Variants in GALNT14 observed in about 807,000 individuals in gnomAD.
The protein encoded by GALNT14 is UDP-GalNAc:polypeptide N-acetylgalactosaminyltransferase 14.
GALNT14 carries 60 observed loss-of-function variants against 77.5 expected under a neutral mutation model. That is an observed-to-expected ratio of 0.77 (90% confidence interval 0.63 to 0.96). The LOEUF (loss-of-function observed/expected upper bound fraction) is 0.96, where lower values mean the gene tolerates loss of function less well. Ranked by LOEUF, GALNT14 falls within the 40% of genes least tolerant of loss-of-function variation. GALNT14 has a pLI of 0.00. For synonymous variants in GALNT14, 280 were observed against 281.7 expected (o/e 0.99, Z 0.06); for missense variants, 710 against 731.0 (o/e 0.97, Z 0.33).
At chr2:31,058,118 G>A (rs1023405357) in intron 1 of GALNT14, among the ~76,000 whole-genome samples, 1 of 152,170 alleles carries the variant, frequency 6.6e-6, no homozygotes, top group Non-Finnish European at 1.5e-5. Flanking sequence ...TGCCAAGAGA[G>A]CTTTCAAAAA....
At chr2:31,095,906 G>A (rs1041810983) in intron 1 of GALNT14, among the ~76,000 whole-genome samples, 7 of 152,066 alleles carry the variant, frequency 4.6e-5, no homozygotes, top group African/African-American at 1.4e-4. Context: ...TTATTATCCT[G>A]CCTAGATTAG....
chr2:30,903,882 T>C, the GALNT14 span, among the ~76,000 whole-genome samples: 620 of 152,326 alleles, frequency 4.1e-3, 10 homozygotes, highest in South Asian at 0.031. Flanking sequence ...TTCATATGGA[T>C]TGGTTCTTCT....
At chr2:30,887,750 G>A in the GALNT14 span, among the ~76,000 whole-genome samples, 1 of 152,126 alleles carries the variant, frequency 6.6e-6, no homozygotes, top group Non-Finnish European at 1.5e-5. Context: ...TGTTGCTCAT[G>A]CTTTTGATGT....
intron 1 of GALNT14, among the ~76,000 whole-genome samples, chr2:31,067,972 G>T (rs375907305): frequency 2.6e-5 from 4 of 152,100 alleles, no homozygotes. Context: ...CTCTTCCTTC[G>T]TGTGGGCCTT....
Position 31,055,373 on chromosome 2 carries a change from G to C in GALNT14, c.130-62366C>G, listed in dbSNP as rs559978814. On this transcript the variant is annotated intron_variant, in intron 1 of 14. Coordinates refer to ENST00000349752, the MANE Select transcript of GALNT14 (RefSeq NM_024572.4). The stretch of plus-strand genomic sequence containing the variant: ...CTGACCTTTGAATAGCACTTTAAAC[G>C]CTTCAATTAAAGGCACTATATAAAA... Among the ~76,000 whole-genome samples the C allele has an allele frequency of 2.6e-5, 4 of 152,286 alleles. No individual in the cohort carries two copies. The South Asian group carries it at 6.2e-4, about 24-fold the overall frequency.
chr2:31,050,266 C>T (rs1673755869), intron 1 of GALNT14, among the ~76,000 whole-genome samples: 1 of 152,170 alleles, frequency 6.6e-6, no homozygotes, highest in Non-Finnish European at 1.5e-5. Context: ...CTGTTTCCTG[C>T]AGAGTAAACA....
At chr2:30,965,685 G>T (rs62141361) in intron 3 of GALNT14, among the ~76,000 whole-genome samples, 24,266 of 152,128 alleles carry the variant, frequency 0.16, 2,055 homozygotes, top group East Asian at 0.32. Context: ...AAGCCCAGGG[G>T]AACGGGGATG....
At chr2:30,988,577 G>C (rs964554564) in intron 2 of GALNT14, among the ~76,000 whole-genome samples, 1 of 99,296 alleles carries the variant, frequency 1.0e-5, no homozygotes, top group Non-Finnish European at 2.2e-5. Flanking sequence ...TGTAGTGTGT[G>C]GGGGAGGTGG....
At chr2:31,131,579 G>T (rs1211154277) in intron 1 of GALNT14, among the ~76,000 whole-genome samples, 1 of 152,128 alleles carries the variant, frequency 6.6e-6, no homozygotes, top group Non-Finnish European at 1.5e-5. Context: ...TGAAACAAGG[G>T]CTCAAGCAAT....
In GALNT14 at chr2:30,963,150, C is replaced by T. The variant is rs17010518; in HGVS notation, c.398+3054G>A. Reference sequence around the variant, plus strand: ...AGGAAACAGGCTCTCTCAGCTAAGTCGTCTGGCACGTCATGGGTGTCTTCT... The same window carrying T: ...AGGAAACAGGCTCTCTCAGCTAAGTTGTCTGGCACGTCATGGGTGTCTTCT... On this transcript the variant is annotated intron_variant, in intron 3 of 14. Coordinates refer to ENST00000349752, the MANE Select transcript of GALNT14 (RefSeq NM_024572.4). 5.1e-3 allele frequency among the ~76,000 whole-genome samples: 783 copies of T among 152,258 alleles called. 6 individuals carry two copies. The highest frequency in any genetic ancestry group is 0.018 in the African/African-American group (750 of 41,548).
At chr2:30,950,699 T>A (rs771705246) in intron 6 of GALNT14, among the ~76,000 whole-genome samples, 34 of 152,172 alleles carry the variant, frequency 2.2e-4, no homozygotes, top group Non-Finnish European at 4.6e-4. Context: ...CCTGGGTTTG[T>A]CTCTTTGCTA....
intron 2 of GALNT14, among the ~76,000 whole-genome samples, chr2:30,977,438 A>G (rs1157003786): frequency 1.3e-5 from 2 of 152,148 alleles, no homozygotes; most frequent in African/African-American, 4.8e-5. Context: ...AAGATTCTGG[A>G]AAGATGGAAA....
Position 30,939,760 on chromosome 2 carries a change from G to T in GALNT14, c.931+2441C>A, listed in dbSNP as rs149820464. ...GACTTGGTGACTTGGTGGGTAGGAG[G>T]CCCTTCCTGCCACACTCTGGAGCCA... On this transcript the variant is annotated intron_variant, in intron 9 of 14. Coordinates refer to ENST00000349752, the MANE Select transcript of GALNT14 (RefSeq NM_024572.4). 7.9e-5 allele frequency among the ~76,000 whole-genome samples: 12 copies of T among 152,138 alleles called. No homozygotes were observed. The East Asian group carries it at 2.3e-3, about 29-fold the overall frequency.
Position 30,998,815 on chromosome 2 carries a change from T to C in GALNT14, c.130-5808A>G, listed in dbSNP as rs527650112. 9.2e-5 allele frequency among the ~76,000 whole-genome samples: 14 copies of C among 152,324 alleles called. No individual in the cohort carries two copies. In the South Asian group the frequency reaches 1.9e-3, roughly 20 times the overall value. On this transcript the variant is annotated intron_variant, in intron 1 of 14. Transcript: ENST00000349752. Reference sequence around the variant, plus strand: ...TTCTTTGCCATTAGGCAGCACGGCCTTATCACAGCCTCACTGCCATTTTCT... The same window carrying C: ...TTCTTTGCCATTAGGCAGCACGGCCCTATCACAGCCTCACTGCCATTTTCT...
At chr2:31,070,403 C>A (rs147477323) in intron 1 of GALNT14, among the ~76,000 whole-genome samples, 2 of 152,210 alleles carry the variant, frequency 1.3e-5, no homozygotes, top group African/African-American at 4.8e-5. Context: ...TCCTCAGGAA[C>A]AGAGATGCTG....
chr2:31,120,956 ACAG>A (rs1678381784), intron 1 of GALNT14, among the ~76,000 whole-genome samples: 1 of 152,252 alleles, frequency 6.6e-6, no homozygotes, highest in Non-Finnish European at 1.5e-5. Context: ...GTTTCCTAAG[ACAG>A]CAATTTGGAA....
intron 1 of GALNT14, among the ~76,000 whole-genome samples, chr2:31,043,495 G>T (rs1274473624): frequency 3.3e-5 from 5 of 152,094 alleles, no homozygotes; most frequent in Non-Finnish European, 7.3e-5. Context: ...CAAACAAGAG[G>T]GGAAAATCCA....
chr2:31,099,823 C>G (rs1677175988), intron 1 of GALNT14, among the ~76,000 whole-genome samples: 2 of 151,884 alleles, frequency 1.3e-5, no homozygotes, highest in South Asian at 4.2e-4. Context: ...CTAGTAGCGC[C>G]AGTCACCTCA....
intron 2 of GALNT14, among the ~76,000 whole-genome samples, chr2:30,989,277 T>G (rs1050400851): frequency 2.6e-5 from 4 of 152,046 alleles, no homozygotes; most frequent in Non-Finnish European, 5.9e-5. Context: ...TCACTTCCAC[T>G]TCTCTGGCAT....
Sources: gnomAD v4.1 joint callset for allele counts (sites outside exome capture counted in the v4.1 genomes callset) on GRCh38, gnomAD v4.1.1 for gene constraint, MANE v1.5 for transcripts, NCBI Gene and HGNC (gene_info 2026-07-23, HGNC 2026-07-21) for gene names.